SHISA6: variants seen among roughly 807,000 people sequenced by gnomAD.
SHISA6 encodes shisa family member 6.
SHISA6 carries 22 observed loss-of-function variants against 47.9 expected under a neutral mutation model. That is an observed-to-expected ratio of 0.46 (90% CI 0.33 to 0.66). The LOEUF (loss-of-function observed/expected upper bound fraction) is 0.66. Ranked by LOEUF, SHISA6 falls within the 30% of genes least tolerant of loss-of-function variation. The pLI is 0.02. For missense variants in SHISA6, 680 were observed against 764.6 expected (o/e 0.89, Z 1.30); for synonymous variants, 388 against 337.8 (o/e 1.15, Z -1.63).
chr17:11,296,505 G>A (rs575829881), intron 2 of SHISA6, among the ~76,000 whole-genome samples: 3 of 152,222 alleles, frequency 2.0e-5, no homozygotes, highest in South Asian at 2.1e-4. Context: ...GACTATAGTG[G>A]TGCCATTTAA....
chr17:11,557,094 T>C (rs59077383), intron 5 of SHISA6, among the ~76,000 whole-genome samples: 36,658 of 152,120 alleles, frequency 0.24, 4,894 homozygotes, highest in South Asian at 0.31. Flanking sequence ...GTAGGCTGAT[T>C]ATGTGGCTGT....
chr17:11,316,750 G>A lies in SHISA6; in HGVS notation c.799+53224G>A, dbSNP rs549625713. Among the ~76,000 whole-genome samples the A allele has an allele frequency of 9.2e-5, 14 of 152,094 alleles. No individual in the cohort carries two copies. In the South Asian group the frequency reaches 1.0e-3, roughly 11 times the overall value. ...TTCTCTTTTATGTAGACTTAGTTTC[G>A]TTCATTCTTATTTTCTTACAAATGT... On this transcript the variant is annotated intron_variant, in intron 2 of 5. Transcript: ENST00000441885.
chr17:11,454,038 T>C (rs932635341), intron 3 of SHISA6, among the ~76,000 whole-genome samples: 6 of 152,230 alleles, frequency 3.9e-5, no homozygotes, highest in African/African-American at 1.4e-4. Flanking sequence ...TATGTTTATG[T>C]TTAATTTTAT....
At chr17:11,296,442 G>A (rs1909753719) in intron 2 of SHISA6, among the ~76,000 whole-genome samples, 2 of 152,306 alleles carry the variant, frequency 1.3e-5, no homozygotes, top group African/African-American at 2.4e-5. Context: ...TGGATTGGGT[G>A]TGGGGATTGT....
intron 2 of SHISA6, among the ~76,000 whole-genome samples, chr17:11,352,279 T>G (rs1449560923): frequency 2.6e-5 from 4 of 151,656 alleles, no homozygotes; most frequent in African/African-American, 7.3e-5. Context: ...ATGGAGATAG[T>G]GTTCATATTG....
intron 3 of SHISA6, among the ~76,000 whole-genome samples, chr17:11,436,749 T>G (rs1452391551): frequency 6.6e-6 from 1 of 152,246 alleles, no homozygotes. Flanking sequence ...TGAATATTAC[T>G]TATCCATAAC....
At chr17:11,537,854 G>A (rs939500215) in intron 3 of SHISA6, among the ~76,000 whole-genome samples, 1 of 152,218 alleles carries the variant, frequency 6.6e-6, no homozygotes, top group Non-Finnish European at 1.5e-5. Context: ...ATAAATAGTT[G>A]AGGAAGAGAG....
chr17:11,407,324 C>A (rs948182724), intron 3 of SHISA6, among the ~76,000 whole-genome samples: 1 of 151,942 alleles, frequency 6.6e-6, no homozygotes, highest in East Asian at 1.9e-4. Context: ...GGTCTGTGTT[C>A]CCCATCGCTG....
At chr17:11,259,896 G>A (rs1182558258) in intron 1 of SHISA6, among the ~76,000 whole-genome samples, 1 of 152,218 alleles carries the variant, frequency 6.6e-6, no homozygotes, top group Non-Finnish European at 1.5e-5. Flanking sequence ...CAGAAGCCTT[G>A]AAGTTAAATC....
At position 11,414,536 on chromosome 17, in the gene SHISA6, C is replaced by T. The variant is rs150298035; in HGVS notation, c.895+35027C>T. On this transcript the variant is annotated intron_variant, in intron 3 of 5. Transcript: ENST00000441885. Reference sequence around the variant, plus strand: ...TCATGGCAAAACCTTGCAAAGTACACGTGAGTACAAAGTGGCTGCTTTGCT... The same window carrying T: ...TCATGGCAAAACCTTGCAAAGTACATGTGAGTACAAAGTGGCTGCTTTGCT... 2.3e-3 allele frequency among the ~76,000 whole-genome samples: 355 copies of T among 152,292 alleles called. 4 individuals carry two copies. Among genetic ancestry groups the T allele is most frequent in the African/African-American group, 8.1e-3 (338 of 41,566 alleles).
intron 3 of SHISA6, among the ~76,000 whole-genome samples, chr17:11,423,490 T>C (rs980379392): frequency 6.6e-6 from 1 of 151,762 alleles, no homozygotes; most frequent in Non-Finnish European, 1.5e-5. Flanking sequence ...AGGTCTCAAG[T>C]CTGATTTTTA....
At chr17:11,421,308 C>T (rs1047988841) in intron 3 of SHISA6, among the ~76,000 whole-genome samples, 1 of 152,188 alleles carries the variant, frequency 6.6e-6, no homozygotes, top group Non-Finnish European at 1.5e-5. Context: ...CCTGCAGATT[C>T]AGCAGAGGCA....
chr17:11,435,167 A>G (rs1914903007), intron 3 of SHISA6, among the ~76,000 whole-genome samples: 1 of 152,038 alleles, frequency 6.6e-6, no homozygotes, highest in Non-Finnish European at 1.5e-5. Flanking sequence ...TTTAACCATA[A>G]GAATTTGTTA....
intron 3 of SHISA6, among the ~76,000 whole-genome samples, chr17:11,388,343 G>A (rs924046527): frequency 3.3e-5 from 5 of 152,090 alleles, no homozygotes; most frequent in African/African-American, 1.2e-4. Flanking sequence ...CCTGGGAGCC[G>A]TCTTTCTTGT....
intron 3 of SHISA6, among the ~76,000 whole-genome samples, chr17:11,445,592 A>G (rs1310760873): frequency 2.6e-5 from 4 of 152,178 alleles, no homozygotes; most frequent in South Asian, 2.1e-4. Flanking sequence ...ATAAAATCCA[A>G]TCTTATTCAG....
Position 11,374,163 on chromosome 17 carries a change from A to G in SHISA6, c.800-5251A>G, listed in dbSNP as rs143359341. 2.0e-5 allele frequency among the ~76,000 whole-genome samples: 3 copies of G among 152,182 alleles called. No individual in the cohort carries two copies. The East Asian group carries it at 5.8e-4, about 29-fold the overall frequency. On this transcript the variant is annotated intron_variant, in intron 2 of 5. Transcript: ENST00000441885. ...TACTTGTGAGATTGAACACTACTTT[A>G]TGTGTATTTGCCCTTTGGGTTTTCT...
intron 3 of SHISA6, among the ~76,000 whole-genome samples, chr17:11,448,876 C>T (rs1267301416): frequency 6.6e-6 from 1 of 152,150 alleles, no homozygotes; most frequent in African/African-American, 2.4e-5. Context: ...TGTTTCCAAA[C>T]GTCCCACTTT....
intron 2 of SHISA6, among the ~76,000 whole-genome samples, chr17:11,296,600 G>T (rs1479463904): frequency 6.6e-6 from 1 of 152,248 alleles, no homozygotes; most frequent in East Asian, 1.9e-4. Context: ...AGGAGACATT[G>T]CTTACCTATA....
At chr17:11,356,196 C>T (rs1173693229) in intron 2 of SHISA6, among the ~76,000 whole-genome samples, 2 of 152,196 alleles carry the variant, frequency 1.3e-5, no homozygotes, top group Admixed American at 6.5e-5. Flanking sequence ...TCCCATCTTC[C>T]CTGTTGATGC....
Sources: gnomAD v4.1 joint callset for allele counts (sites outside exome capture counted in the v4.1 genomes callset) on GRCh38, gnomAD v4.1.1 for gene constraint, MANE v1.5 for transcripts, NCBI Gene and HGNC (gene_info 2026-07-23, HGNC 2026-07-21) for gene names.